PKNOX2: variants seen among roughly 807,000 people sequenced by gnomAD.
PKNOX2 encodes homeobox protein PKNOX2.
A neutral mutation model predicts 53.1 loss-of-function variants in PKNOX2; 14 were observed. That is an observed-to-expected ratio of 0.26 (90% CI 0.17 to 0.41). The LOEUF (loss-of-function observed/expected upper bound fraction) is 0.41, where lower values mean the gene tolerates loss of function less well. PKNOX2 is among the 10% of genes least tolerant of loss of function. PKNOX2 has a pLI of 1.00. For missense variants in PKNOX2, 496 were observed against 602.8 expected, an observed-to-expected ratio of 0.82 and a Z score of 1.85; for synonymous variants, 257 against 242.8, an observed-to-expected ratio of 1.06 and a Z score of -0.54.
chr11:125,344,567 C>T (rs964839706), intron 3 of PKNOX2, among the ~76,000 whole-genome samples: 2 of 152,216 alleles, frequency 1.3e-5, no homozygotes, highest in Non-Finnish European at 2.9e-5. Context: ...TCTGTCCCCA[C>T]TCTGTTCCCT....
In PKNOX2 at chr11:125,180,113, G is replaced by A. The variant is rs530270324; in HGVS notation, c.-201+15337G>A. Among the ~76,000 whole-genome samples, 23 of 152,242 alleles carry A rather than the reference G, an allele frequency of 1.5e-4. No individual in the cohort carries two copies. In the South Asian group the frequency reaches 4.4e-3, roughly 29 times the overall value. On this transcript the variant is annotated intron_variant, in intron 1 of 12. Coordinates refer to ENST00000298282, the MANE Select transcript of PKNOX2 (RefSeq NM_001382323.2). Reference sequence around the variant, plus strand: ...GGCCCCCGCGTGTACTGGTCCTTCTGCCCGGAACATCGTTCCCTGGATATC... The same window carrying A: ...GGCCCCCGCGTGTACTGGTCCTTCTACCCGGAACATCGTTCCCTGGATATC...
chr11:125,418,681 A>G (rs1308361221), intron 10 of PKNOX2, among the ~76,000 whole-genome samples: 1 of 151,948 alleles, frequency 6.6e-6, no homozygotes, highest in Admixed American at 6.5e-5. Context: ...TGCGCAGAGC[A>G]TTGTGTTAAG....
In PKNOX2 at chr11:125,223,339, C is replaced by T. The variant is rs150303899; in HGVS notation, c.-200-11706C>T. Among the ~76,000 whole-genome samples the T allele has an allele frequency of 3.0e-3, 461 of 152,192 alleles. 3 individuals carry two copies. Among genetic ancestry groups the T allele is most frequent in the Non-Finnish European group, 5.3e-3 (362 of 68,014 alleles). ...CCGCCTCCCTGGTTTAAGTGATTCTCCTGCCTCAGCGTCCTGAGCAGCTGG... is the reference window on the plus strand; with the variant it reads ...CCGCCTCCCTGGTTTAAGTGATTCTTCTGCCTCAGCGTCCTGAGCAGCTGG... On this transcript the variant is annotated intron_variant, in intron 1 of 12. Coordinates refer to ENST00000298282, the MANE Select transcript of PKNOX2 (RefSeq NM_001382323.2).
At position 125,165,377 on chromosome 11, in the gene PKNOX2, G is replaced by T. The variant is rs1195596600; in HGVS notation, c.-201+601G>T. Among the ~76,000 whole-genome samples, 2 of 152,122 alleles carry T rather than the reference G, an allele frequency of 1.3e-5. No homozygotes were observed. The highest frequency in any genetic ancestry group is 2.4e-5 in the African/African-American group (1 of 41,444). ...CCGGCCGGGCGCTCCGCGGGGAGAG[G>T]CTGGGAACCGCGGGCAGGCTCCAGG... On this transcript the variant is annotated intron_variant, in intron 1 of 12. Coordinates refer to ENST00000298282, the MANE Select transcript of PKNOX2 (RefSeq NM_001382323.2). This position sits in a 1 kb window ranked among gnomAD's most constrained non-coding sequence, Gnocchi z 4.5.
intron 1 of PKNOX2, among the ~76,000 whole-genome samples, chr11:125,177,478 T>C (rs1955787231): frequency 6.6e-6 from 1 of 152,210 alleles, no homozygotes; most frequent in Non-Finnish European, 1.5e-5. Context: ...GCCCAGCTTC[T>C]GCTGCTTGCT....
chr11:125,222,739 C>G (rs1301404045), intron 1 of PKNOX2, among the ~76,000 whole-genome samples: 2 of 134,756 alleles, frequency 1.5e-5, no homozygotes, highest in African/African-American at 2.9e-5. Context: ...GTGTGTGTGT[C>G]TGTGTCTGTG....
At chr11:125,249,863 A>C (rs1248468371) in intron 2 of PKNOX2, among the ~76,000 whole-genome samples, 1 of 152,084 alleles carries the variant, frequency 6.6e-6, no homozygotes, top group Non-Finnish European at 1.5e-5. Flanking sequence ...TCAGGTTGGG[A>C]GTTCAAGACC....
At chr11:125,192,466 A>G (rs1042178466) in intron 1 of PKNOX2, among the ~76,000 whole-genome samples, 3 of 152,208 alleles carry the variant, frequency 2.0e-5, no homozygotes, top group Non-Finnish European at 4.4e-5. Context: ...GAATTCATAA[A>G]TGATGTCCTT....
intron 2 of PKNOX2, among the ~76,000 whole-genome samples, chr11:125,278,580 C>T (rs535687850): frequency 9.5e-4 from 145 of 152,182 alleles, no homozygotes; most frequent in African/African-American, 3.3e-3. Context: ...TCGGGATGGC[C>T]GGGTCTTGGC....
intron 2 of PKNOX2, among the ~76,000 whole-genome samples, chr11:125,268,972 T>C (rs1018760522): frequency 3.4e-5 from 1 of 29,570 alleles, no homozygotes; most frequent in Non-Finnish European, 6.9e-5. Flanking sequence ...GGGGGTGGGG[T>C]GGAGGGCAGG....
chr11:125,211,451 T>A (rs1939834652), intron 1 of PKNOX2, among the ~76,000 whole-genome samples: 1 of 152,148 alleles, frequency 6.6e-6, no homozygotes, highest in African/African-American at 2.4e-5. Flanking sequence ...AAATTTTAGA[T>A]CCTGGTTGGA....
At chr11:125,321,894 G>T (rs1949530453) in intron 2 of PKNOX2, among the ~76,000 whole-genome samples, 1 of 152,174 alleles carries the variant, frequency 6.6e-6, no homozygotes, top group Non-Finnish European at 1.5e-5. Context: ...TCTCATAGAT[G>T]GGAACTTCTA....
At chr11:125,243,449 G>A (rs2135617640) in intron 2 of PKNOX2, among the ~76,000 whole-genome samples, 1 of 152,230 alleles carries the variant, frequency 6.6e-6, no homozygotes, top group South Asian at 2.1e-4. Context: ...CCATTGTCTG[G>A]ACTCCATGTC....
At chr11:125,323,790 C>T (rs1386689220) in intron 2 of PKNOX2, among the ~76,000 whole-genome samples, 4 of 152,086 alleles carry the variant, frequency 2.6e-5, no homozygotes, top group Non-Finnish European at 5.9e-5. Context: ...TGGCTGCTTA[C>T]TGTGTGTGGC....
intron 4 of PKNOX2, among the ~76,000 whole-genome samples, chr11:125,365,246 G>C (rs533792922): frequency 6.6e-6 from 1 of 152,226 alleles, no homozygotes; most frequent in South Asian, 2.1e-4. Flanking sequence ...GGCCGACCCT[G>C]CTTTGAATGT....
At chr11:125,325,996 C>G (rs1429109828) in intron 2 of PKNOX2, among the ~76,000 whole-genome samples, 1 of 152,228 alleles carries the variant, frequency 6.6e-6, no homozygotes, top group East Asian at 1.9e-4. Flanking sequence ...TGAACTGGTT[C>G]AGCATTGATC....
intron 5 of PKNOX2, among the ~76,000 whole-genome samples, chr11:125,372,194 G>A (rs1304855962): frequency 6.6e-6 from 1 of 152,176 alleles, no homozygotes; most frequent in Non-Finnish European, 1.5e-5. Context: ...TCGAGGCGGG[G>A]AAGGGGAGCA....
chr11:125,256,587 C>T (rs1944415641), intron 2 of PKNOX2, among the ~76,000 whole-genome samples: 1 of 152,200 alleles, frequency 6.6e-6, no homozygotes, highest in African/African-American at 2.4e-5. Flanking sequence ...CCCAGGTACA[C>T]ACTTATCTCT....
At position 125,268,681 on chromosome 11, in the gene PKNOX2, G is replaced by T. The variant is rs761500360; in HGVS notation, c.-130+33566G>T. 2.0e-5 allele frequency among the ~76,000 whole-genome samples: 3 copies of T among 152,324 alleles called. No homozygotes were observed. In the South Asian group the frequency reaches 6.2e-4, roughly 32 times the overall value. ...TAGAATAAAAGCTTCTGAAGGGCAGGGGGGCCTGGGGCTGTGTGGGACAGA... is the reference window on the plus strand; with the variant it reads ...TAGAATAAAAGCTTCTGAAGGGCAGTGGGGCCTGGGGCTGTGTGGGACAGA... On this transcript the variant is annotated intron_variant, in intron 2 of 12. Transcript: ENST00000298282.
Sources: allele counts gnomAD v4.1 joint callset (sites outside exome capture counted in the v4.1 genomes callset), GRCh38; gene constraint gnomAD v4.1.1; non-coding constraint Gnocchi (gnomAD v3.1); transcripts MANE v1.5; gene names NCBI Gene and HGNC (gene_info 2026-07-23, HGNC 2026-07-21).